CREB3L4: variants seen among roughly 807,000 people sequenced by gnomAD.
CREB3L4 encodes the protein cAMP responsive element binding protein 3 like 4, also known as cyclic AMP-responsive element-binding protein 3-like protein 4.
A neutral mutation model predicts 37.0 loss-of-function variants in CREB3L4; 28 were observed. That is an observed-to-expected ratio of 0.76 (90% CI 0.56 to 1.04). The LOEUF is 1.04. Ranked by LOEUF, CREB3L4 falls within the 50% of genes least tolerant of loss-of-function variation. The pLI is 0.00. For synonymous variants in CREB3L4, 175 were observed against 192.2 expected (o/e 0.91, Z 0.74); for missense variants, 462 against 486.0 (o/e 0.95, Z 0.46).
chr1:153,970,099 T>G (rs1265691950), intron 4 of CREB3L4, among the ~76,000 whole-genome samples: 1 of 151,966 alleles, frequency 6.6e-6, no homozygotes, highest in African/African-American at 2.4e-5. Flanking sequence ...TGGCTAATTT[T>G]TGTATTTTTA....
chr1:153,968,834 A>G lies in CREB3L4; in HGVS notation c.175-96A>G, dbSNP rs558387207. On this transcript the variant is annotated intron_variant, in intron 2 of 9. Coordinates refer to ENST00000368607, the MANE Select transcript of CREB3L4 (RefSeq NM_001255978.2). ...CGTAAGTTGTATAATAACTGTCTCCATGCCCAAGAAGTGAAAGGACTGAAA... is the reference window on the plus strand; with the variant it reads ...CGTAAGTTGTATAATAACTGTCTCCGTGCCCAAGAAGTGAAAGGACTGAAA... The G allele has an allele frequency of 6.6e-6, 10 of 1,525,414 alleles. No homozygotes were observed. In the East Asian group the frequency reaches 2.3e-4, roughly 35 times the overall value. 94.5% of individuals were successfully genotyped at this position (1,525,414 alleles called of 1,614,324 possible).
chr1:153,973,924 C>T lies in CREB3L4; in HGVS notation c.1047C>T (p.Thr349=). The T allele has an allele frequency of 6.2e-7, 1 of 1,614,124 alleles. No individual in the cohort carries two copies. The highest frequency in any genetic ancestry group is 8.5e-7 in the Non-Finnish European group (1 of 1,180,020). ...THKDVTENLE[T]QVVESRLREP... is the part of the protein sequence containing the mutation. ...AGGACGTAACAGAAAATCTGGAGAC[C>T]CAAGTGGTAGAGTCCAGACTGAGGG... Residue 349 remains threonine, a synonymous_variant, in exon 10 of 10, where the codon ACC becomes ACT. Transcript: ENST00000368607.
chr1:153,970,944 C>T (rs1215056544), intron 4 of CREB3L4, among the ~76,000 whole-genome samples: 1 of 148,556 alleles, frequency 6.7e-6, no homozygotes, highest in Admixed American at 6.7e-5. Context: ...GGGGTTTCAC[C>T]ATGTTGGCCA....
chr1:153,973,560 G>A (rs1158559955), intron 8 of CREB3L4, 60 bp from the exon 9 acceptor site: 1 of 1,566,956 alleles, frequency 6.4e-7, no homozygotes, highest in Non-Finnish European at 8.8e-7. Context: ...GATAACCCCA[G>A]CTGGCCTCCG....
At chr1:153,969,503 A>G in intron 4 of CREB3L4, 48 bp downstream of exon 4, 1 of 1,601,480 alleles carries the variant, frequency 6.2e-7, no homozygotes, top group South Asian at 1.1e-5. Flanking sequence ...TACATATATA[A>G]TCACACAGAC....
In CREB3L4 at chr1:153,968,879, G is replaced by A. The variant is rs142679432; in HGVS notation, c.175-51G>A. On this transcript the variant is annotated intron_variant, in intron 2 of 9. Coordinates refer to ENST00000368607, the MANE Select transcript of CREB3L4 (RefSeq NM_001255978.2). ...CTGAAAATGAAGCATAAGTCAGGGA[G>A]GACTTCCAAAATTCTTCCCTGCACA... 9.2e-4 allele frequency: 1,422 copies of A among 1,552,566 alleles called. 9 individuals carry two copies. In the African/African-American group the frequency reaches 0.017, roughly 18 times the overall value.
Position 153,968,607 on chromosome 1 carries a change from C to G in CREB3L4, c.82C>G (p.Leu28Val). Residue 28 changes from leucine to valine, a missense_variant, in exon 2 of 10, where the codon CTG (leucine) becomes GTG (valine). Coordinates refer to ENST00000368607, the MANE Select transcript of CREB3L4 (RefSeq NM_001255978.2). ...DIFSTGSVLE[L>V]GLHCPPPEVP... ...CTTCTCGACAGGATCCGTCCTGGAG[C>G]TGGGACTCCACTGCCCCCCTCCAGA... is the stretch of plus-strand genomic sequence containing the variant. The G allele has an allele frequency of 6.2e-7, 1 of 1,614,014 alleles. No individual in the cohort carries two copies. Among genetic ancestry groups the G allele is most frequent in the Non-Finnish European group, 8.5e-7 (1 of 1,179,960 alleles).
intron 4 of CREB3L4, among the ~76,000 whole-genome samples, chr1:153,970,214 A>C (rs989194475): frequency 2.6e-5 from 4 of 152,164 alleles, no homozygotes; most frequent in African/African-American, 9.7e-5. Context: ...GGTGTGAGCC[A>C]CCACGCCTGG....
chr1:153,969,685 A>T (rs1648155222), intron 4 of CREB3L4: 1 of 474,928 alleles, frequency 2.1e-6, no homozygotes, highest in African/African-American at 2.0e-5. Context: ...ATCACGGCTC[A>T]CTGCATCCTC....
chr1:153,973,311 G>C, intron 7 of CREB3L4, 48 bp downstream of exon 7: 1 of 1,608,612 alleles, frequency 6.2e-7, no homozygotes, highest in Non-Finnish European at 8.5e-7. Flanking sequence ...GGCAGGTACA[G>C]CACACAGGGG....
chr1:153,972,894 G>A (rs530391224), intron 5 of CREB3L4, 58 bp downstream of exon 5: 2 of 1,598,986 alleles, frequency 1.3e-6, no homozygotes, highest in East Asian at 2.2e-5. Flanking sequence ...ACCTCTGAGG[G>A]GCCAATATCC....
intron 4 of CREB3L4, among the ~76,000 whole-genome samples, chr1:153,971,587 CTTTTT>C (rs55930906): frequency 9.3e-6 from 1 of 107,510 alleles, no homozygotes; most frequent in Non-Finnish European, 1.8e-5. Context: ...TTTTCTTTTT[CTTTTT>C]TTTTTTTTTT....
intron 4 of CREB3L4, among the ~76,000 whole-genome samples, chr1:153,971,587 CTTTTTTT>C (rs55930906): frequency 1.9e-3 from 200 of 107,530 alleles, no homozygotes; most frequent in African/African-American, 4.9e-3. Flanking sequence ...TTTTCTTTTT[CTTTTTTT>C]TTTTTTTTTT....
At chr1:153,972,157 G>T (rs1301088940) in intron 4 of CREB3L4, among the ~76,000 whole-genome samples, 2 of 152,112 alleles carry the variant, frequency 1.3e-5, no homozygotes, top group Admixed American at 1.3e-4. Context: ...CTAGTGAGAA[G>T]GGCCATCCAC....
chr1:153,971,039 G>A (rs1162242756), intron 4 of CREB3L4, among the ~76,000 whole-genome samples: 5 of 143,540 alleles, frequency 3.5e-5, no homozygotes, highest in South Asian at 5.0e-4. Flanking sequence ...CACCGCACCC[G>A]GCCAACATCT....
In CREB3L4 at chr1:153,969,050, G is replaced by A. The variant is rs771742358; in HGVS notation, c.295G>A (p.Asp99Asn). 6.2e-7 allele frequency: 1 copy of A among 1,614,194 alleles called. No homozygotes were observed. Among genetic ancestry groups the A allele is most frequent in the Non-Finnish European group, 8.5e-7 (1 of 1,180,030 alleles). The change falls in exon 3 of 10, where the codon GAC becomes AAC. Residue 99 changes from aspartate to asparagine, a missense_variant. Asp to Asn is a conservative substitution (Grantham distance 23). Transcript: ENST00000368607. The stretch of plus-strand genomic sequence containing the variant: ...CATCTCTGAGGACCCCTGCCATCCA[G>A]ACAGTCCCCCTGCCCCCAGGGCAAC... Reference protein sequence around the residue: ...SGISEDPCHPDSPPAPRATSS... With the variant: ...SGISEDPCHPNSPPAPRATSS...
chr1:153,969,600 A>G (rs1648146712), intron 4 of CREB3L4, 145 bp downstream of exon 4: 1 of 866,542 alleles, frequency 1.2e-6, no homozygotes, highest in Non-Finnish European at 1.8e-6. Context: ...CCAAGGAGAC[A>G]TGAACAGTTG....
rs770695846 is a variant in CREB3L4 at position 153,968,947 on chromosome 1, G to A, written c.192G>A (p.Glu64=). ...GDRGCGLQES[E]PEDFLKLFID... ...TACTGTAGGGCCTTCAAGAGAGTGA[G>A]CCTGAAGATTTCTTGAAGCTTTTCA... Residue 64 remains glutamate (E), a synonymous_variant, in exon 3 of 10, where the codon GAG becomes GAA. Transcript: ENST00000368607. The A allele has an allele frequency of 7.4e-6, 12 of 1,612,250 alleles. No individual in the cohort carries two copies. Among genetic ancestry groups the A allele is most frequent in the Non-Finnish European group, 1.0e-5 (12 of 1,178,940 alleles).
chr1:153,970,552 G>C (rs1648267715), intron 4 of CREB3L4, among the ~76,000 whole-genome samples: 1 of 152,116 alleles, frequency 6.6e-6, no homozygotes, highest in African/African-American at 2.4e-5. Flanking sequence ...TATCACATTA[G>C]ATGCCTTCTC....
Sources: allele counts gnomAD v4.1 joint callset (sites outside exome capture counted in the v4.1 genomes callset), GRCh38; gene constraint gnomAD v4.1.1; transcripts MANE v1.5; gene names NCBI Gene and HGNC (gene_info 2026-07-23, HGNC 2026-07-21).